The following VPS41 variants were observed in gnomAD, a reference collection of about 807,000 sequenced individuals.
VPS41 encodes the protein vacuolar protein sorting-associated protein 41 homolog.
VPS41 carries 85 observed loss-of-function variants against 130.9 expected under a neutral mutation model. That is an observed-to-expected ratio of 0.65 (90% CI 0.55 to 0.78). VPS41 has a LOEUF of 0.78. Among genes scored for constraint, VPS41 ranks in the 30% least tolerant of loss-of-function variants. VPS41 has a pLI of 0.00. For synonymous variants in VPS41, 335 were observed against 332.9 expected (o/e 1.01, Z -0.07); for missense variants, 874 against 1,018.7 (o/e 0.86, Z 1.93).
In VPS41 at chr7:38,909,180, C is replaced by T. The variant is rs754644983; in HGVS notation, c.-6G>A. On this transcript the variant is annotated 5_prime_UTR_variant, in exon 1 of 29. Transcript: ENST00000310301. ...TGCTCCTCTGCTTCCGCCATGGCGC[C>T]ACGGGAGAGTCACCTGACAGACCCG... 1 of 1,614,256 alleles carries T rather than the reference C, an allele frequency of 6.2e-7. No homozygotes were observed. The highest frequency in any genetic ancestry group is 8.5e-7 in the Non-Finnish European group (1 of 1,180,036).
At chr7:38,839,939 G>A (rs1229679247) in intron 4 of VPS41, among the ~76,000 whole-genome samples, 2 of 152,170 alleles carry the variant, frequency 1.3e-5, no homozygotes, top group Non-Finnish European at 2.9e-5. Flanking sequence ...AAATGCAAAA[G>A]GGAAGATGGA....
At chr7:38,786,306 G>A (rs964440175) in intron 10 of VPS41, among the ~76,000 whole-genome samples, 2 of 152,176 alleles carry the variant, frequency 1.3e-5, no homozygotes, top group African/African-American at 4.8e-5. Context: ...CTACCCACTC[G>A]CATACTGGGA....
intron 11 of VPS41, among the ~76,000 whole-genome samples, chr7:38,776,263 T>C (rs923556093): frequency 6.6e-6 from 1 of 152,186 alleles, no homozygotes; most frequent in Non-Finnish European, 1.5e-5. Flanking sequence ...TAAACAAATA[T>C]GTCTGGACCA....
chr7:38,774,285 T>G, intron 11 of VPS41, 41 bp from the exon 12 acceptor site: 1 of 1,528,856 alleles, frequency 6.5e-7, no homozygotes, highest in Non-Finnish European at 8.8e-7. Flanking sequence ...TAAATTACAT[T>G]TCTATATATC....
chr7:38,781,094 T>A (rs1273606003), intron 10 of VPS41, among the ~76,000 whole-genome samples: 1 of 152,170 alleles, frequency 6.6e-6, no homozygotes, highest in African/African-American at 2.4e-5. Flanking sequence ...TTATAAATTA[T>A]CCAGTCTCAG....
chr7:38,753,370 T>C (rs1364090436), intron 21 of VPS41, among the ~76,000 whole-genome samples: 1 of 152,064 alleles, frequency 6.6e-6, no homozygotes, highest in Non-Finnish European at 1.5e-5. Flanking sequence ...TGTTCACTTC[T>C]TCCTAAGGCA....
chr7:38,778,437 C>T (rs1266358279), intron 10 of VPS41, among the ~76,000 whole-genome samples: 2 of 152,032 alleles, frequency 1.3e-5, no homozygotes, highest in Non-Finnish European at 2.9e-5. Context: ...AGGGGAGAGC[C>T]GGAATGTACA....
At chr7:38,772,385 G>A in intron 13 of VPS41, 137 bp downstream of exon 13, 1 of 576,204 alleles carries the variant, frequency 1.7e-6, no homozygotes, top group Non-Finnish European at 3.0e-6. Flanking sequence ...GTACTAGAAA[G>A]TTATTAACTT....
intron 4 of VPS41, among the ~76,000 whole-genome samples, chr7:38,853,782 C>T (rs1035231476): frequency 6.6e-6 from 1 of 152,140 alleles, no homozygotes; most frequent in Non-Finnish European, 1.5e-5. Flanking sequence ...TGTGAAATAC[C>T]AGGGTAATTT....
chr7:38,904,383 A>G (rs1787210079), intron 1 of VPS41, among the ~76,000 whole-genome samples: 1 of 152,230 alleles, frequency 6.6e-6, no homozygotes, highest in Non-Finnish European at 1.5e-5. Flanking sequence ...TAGTTACATG[A>G]TGGGAAAGAG....
At chr7:38,888,323 G>A (rs1286439505) in intron 2 of VPS41, among the ~76,000 whole-genome samples, 1 of 152,092 alleles carries the variant, frequency 6.6e-6, no homozygotes, top group African/African-American at 2.4e-5. Context: ...ATAAAGGGAT[G>A]GTGGAAGATG....
chr7:38,782,829 G>A (rs1334212624), intron 10 of VPS41, among the ~76,000 whole-genome samples: 2 of 152,318 alleles, frequency 1.3e-5, no homozygotes, highest in African/African-American at 4.8e-5. Context: ...AATGAAGAGT[G>A]ACTGAGGCTG....
rs746299164 is a variant in VPS41, at chr7:38,789,878, A to G, written c.718-11T>C. 11 of 1,613,404 alleles carry G rather than the reference A, an allele frequency of 6.8e-6. No individual in the cohort carries two copies. Among genetic ancestry groups the G allele is most frequent in the Non-Finnish European group, 9.3e-6 (11 of 1,179,500 alleles). ...CTTCACTGAGCACACCTGGAAAATA[A>G]GTTCGCAGGTTATTTTATTCATTTG... On this transcript the variant is annotated splice_polypyrimidine_tract_variant and intron_variant, in intron 9 of 28. Transcript: ENST00000310301.
At chr7:38,810,455 G>T (rs1425902152) in intron 7 of VPS41, among the ~76,000 whole-genome samples, 1 of 152,108 alleles carries the variant, frequency 6.6e-6, no homozygotes, top group African/African-American at 2.4e-5. Flanking sequence ...ATCAAAAATT[G>T]TAATAAGATT....
intron 2 of VPS41, among the ~76,000 whole-genome samples, chr7:38,893,480 T>C (rs1291036780): frequency 6.6e-6 from 1 of 152,256 alleles, no homozygotes; most frequent in Admixed American, 6.5e-5. Flanking sequence ...TGCTTCAAAA[T>C]AGGAGTGAAA....
intron 4 of VPS41, among the ~76,000 whole-genome samples, chr7:38,851,926 TA>T (rs1197217908): frequency 6.6e-6 from 1 of 152,130 alleles, no homozygotes; most frequent in Non-Finnish European, 1.5e-5. Context: ...AAATTAAACT[TA>T]AAAAAAGCTA....
rs375610305 is a variant in VPS41 at position 38,846,829 on chromosome 7, G to A, written c.246+15716C>T. ...TAAAAGAAGCATCAAGAGGATATAC[G>A]GGGAATAATGGAGGCAGATGATGGA... On this transcript the variant is annotated intron_variant, in intron 4 of 28. Coordinates refer to ENST00000310301, the MANE Select transcript of VPS41 (RefSeq NM_014396.4). Among the ~76,000 whole-genome samples, 34 of 152,226 alleles carry A rather than the reference G, an allele frequency of 2.2e-4. No homozygotes were observed. The East Asian group carries it at 4.8e-3, about 22-fold the overall frequency.
intron 15 of VPS41, among the ~76,000 whole-genome samples, chr7:38,767,098 T>C (rs957369275): frequency 3.3e-5 from 5 of 152,112 alleles, no homozygotes; most frequent in South Asian, 2.1e-4. Context: ...TCGGGGCAAA[T>C]GTTGACACTC....
At chr7:38,767,233 G>A (rs1391974993) in intron 15 of VPS41, among the ~76,000 whole-genome samples, 2 of 152,114 alleles carry the variant, frequency 1.3e-5, no homozygotes, top group Non-Finnish European at 2.9e-5. Context: ...TAACTTGTTA[G>A]ACTGTAAATA....
Sources: allele counts gnomAD v4.1 joint callset (sites outside exome capture counted in the v4.1 genomes callset), GRCh38; gene constraint gnomAD v4.1.1; transcripts MANE v1.5; gene names NCBI Gene and HGNC (gene_info 2026-07-23, HGNC 2026-07-21).